Variants in PLSCR4 observed in about 807,000 individuals in gnomAD.
PLSCR4 encodes the protein Ca(2+)-dependent phospholipid scramblase 4.
PLSCR4 carries 25 observed loss-of-function variants against 36.3 expected under a neutral mutation model. The observed-to-expected ratio is 0.69, with a 90% CI of 0.50 to 0.96. The LOEUF is 0.96. PLSCR4 is among the 40% of genes least tolerant of loss of function. The pLI is 0.00. For synonymous variants in PLSCR4, 122 were observed against 132.9 expected (o/e 0.92, Z 0.56); for missense variants, 408 against 414.7 (o/e 0.98, Z 0.14).
chr3:146,205,726 T>C (rs965007904), intron 4 of PLSCR4, among the ~76,000 whole-genome samples: 1 of 152,126 alleles, frequency 6.6e-6, no homozygotes, highest in African/African-American at 2.4e-5. Context: ...AATTTATGAA[T>C]GGTTTATTTC....
chr3:146,204,673 C>G (rs1286793271), intron 4 of PLSCR4, among the ~76,000 whole-genome samples: 1 of 151,782 alleles, frequency 6.6e-6, no homozygotes, highest in African/African-American at 2.4e-5. Flanking sequence ...CTGTCAGAAT[C>G]ATAAAAGAAA....
intron 1 of PLSCR4, 125 bp from the exon 2 acceptor site, chr3:146,222,217 A>C (rs369761576): frequency 2.6e-6 from 1 of 387,942 alleles, no homozygotes; most frequent in African/African-American, 2.1e-5. Context: ...TTGTCCCTTC[A>C]TTAATTAAAA....
intron 3 of PLSCR4, among the ~76,000 whole-genome samples, chr3:146,220,566 T>TTCATATC (rs2035085384): frequency 1.3e-5 from 2 of 152,198 alleles, no homozygotes; most frequent in South Asian, 4.1e-4. Context: ...CAACACTCTC[T>TTCATATC]TCATATCTCC....
intron 1 of PLSCR4, among the ~76,000 whole-genome samples, chr3:146,236,412 A>AT (rs2035919452): frequency 6.6e-6 from 1 of 152,170 alleles, no homozygotes; most frequent in African/African-American, 2.4e-5. Flanking sequence ...TTAAATGCAT[A>AT]TTTTTTTAAA....
Position 146,192,396 on chromosome 3 carries a change from G to A in PLSCR4, c.*2015C>T, listed in dbSNP as rs1000942270. On this transcript the variant is annotated 3_prime_UTR_variant, in exon 9 of 9. Transcript: ENST00000354952. ...ATAAAGAATACGAAAAAGCATGAAC[G>A]CACAAATTCCAGAGAATTTGTTTTT... The A allele has an allele frequency of 3.3e-5, 5 of 150,074 alleles. No homozygotes were observed. The highest frequency in any genetic ancestry group is 5.9e-5 in the Non-Finnish European group (4 of 67,604). 9.3% of individuals were successfully genotyped at this position (150,074 alleles called of 1,614,324 possible). A position where few individuals can be genotyped will look rare whatever the true frequency, so the allele number is the denominator to read the frequency against.
chr3:146,232,988 T>A (rs1297773192), intron 1 of PLSCR4, among the ~76,000 whole-genome samples: 1 of 152,256 alleles, frequency 6.6e-6, no homozygotes, highest in Non-Finnish European at 1.5e-5. Flanking sequence ...TGACTACCTA[T>A]AAATTCTGGA....
At chr3:146,212,782 C>A (rs2034690852) in intron 3 of PLSCR4, among the ~76,000 whole-genome samples, 1 of 152,180 alleles carries the variant, frequency 6.6e-6, no homozygotes, top group Non-Finnish European at 1.5e-5. Context: ...GATACCCTGT[C>A]TCATTCTTGA....
intron 1 of PLSCR4, among the ~76,000 whole-genome samples, chr3:146,223,475 A>G (rs2035270420): frequency 6.8e-6 from 1 of 147,860 alleles, no homozygotes; most frequent in Admixed American, 6.6e-5. Flanking sequence ...TCTAAATCCT[A>G]AGCCTATGTA....
chr3:146,213,179 G>T (rs906760044), intron 3 of PLSCR4, among the ~76,000 whole-genome samples: 2 of 152,060 alleles, frequency 1.3e-5, no homozygotes, highest in South Asian at 4.1e-4. Flanking sequence ...ATGATCTTTA[G>T]TTTTCTTTTC....
At chr3:146,237,057 A>G (rs768809840) in intron 1 of PLSCR4, among the ~76,000 whole-genome samples, 1 of 148,486 alleles carries the variant, frequency 6.7e-6, no homozygotes, top group Non-Finnish European at 1.5e-5. Context: ...AAAGAAAAAA[A>G]AGAGAGAAAA....
At chr3:146,224,960 CAG>C (rs561467416) in intron 1 of PLSCR4, among the ~76,000 whole-genome samples, 118 of 151,720 alleles carry the variant, frequency 7.8e-4, no homozygotes, top group African/African-American at 2.8e-3. Context: ...CAGCTAGATA[CAG>C]AGTGTCGATT....
chr3:146,194,508 C>T, intron 8 of PLSCR4, 53 bp from the exon 9 acceptor site: 1 of 1,073,670 alleles, frequency 9.3e-7, no homozygotes. Flanking sequence ...AGGTATAATG[C>T]ATGCGGTATT....
intron 1 of PLSCR4, among the ~76,000 whole-genome samples, chr3:146,247,392 T>G (rs1174091801): frequency 1.1e-5 from 1 of 92,202 alleles, no homozygotes; most frequent in African/African-American, 2.6e-5. Flanking sequence ...GTCAATCTGA[T>G]ATATAAAAAA....
rs1559914361 is a variant in PLSCR4 at position 146,220,837 on chromosome 3, T to G, written c.96A>C (p.Glu32Asp). Residue 32 changes from glutamate (E) to aspartate (D), a missense_variant, in exon 3 of 9, where the codon GAA becomes GAC. Glu to Asp is a conservative substitution (Grantham distance 45, BLOSUM62 2). Transcript: ENST00000354952. Reference protein sequence around the residue: ...PPDPRPDAPPEYNSHFLPGPP... With the variant: ...PPDPRPDAPPDYNSHFLPGPP... ...CACCTGGTAAAAAATGAGAATTGTA[T>G]TCAGGAGGAGCATCAGGCCTTGGAT... 1.9e-6 allele frequency: 3 copies of G among 1,609,588 alleles called. No individual in the cohort carries two copies. The highest frequency in any genetic ancestry group is 3.3e-5 in the Admixed American group (2 of 59,936).
At chr3:146,250,638 C>T (rs1333364442) in intron 1 of PLSCR4, 1 of 152,314 alleles carries the variant, frequency 6.6e-6, no homozygotes, top group Non-Finnish European at 1.5e-5. Flanking sequence ...CAAGCGAGAC[C>T]TGTCACGCAG....
At chr3:146,195,873 T>C (rs2033709460) in intron 7 of PLSCR4, among the ~76,000 whole-genome samples, 1 of 152,194 alleles carries the variant, frequency 6.6e-6, no homozygotes, top group Admixed American at 6.5e-5. Context: ...TTTTAATAAA[T>C]AAGCAATGCT....
At chr3:146,244,520 T>C (rs1264433974) in intron 1 of PLSCR4, among the ~76,000 whole-genome samples, 3 of 152,092 alleles carry the variant, frequency 2.0e-5, no homozygotes, top group Non-Finnish European at 4.4e-5. Flanking sequence ...TATTTCAGAC[T>C]TTTTCATAAC....
chr3:146,220,912 T>C lies in PLSCR4; in HGVS notation c.21A>G (p.Thr7=). 3.1e-6 allele frequency: 5 copies of C among 1,611,430 alleles called. No individual in the cohort carries two copies. The highest frequency in any genetic ancestry group is 4.2e-6 in the Non-Finnish European group (5 of 1,178,074). ...TTTCACCTGCAGGCTGTTCAGGGGC[T>C]GTGGGTACCACACCTTCAGGGGAAG... MSGVVP[T]APEQPAGEME... The change falls in exon 3 of 9, where the codon ACA becomes ACG. Residue 7 remains threonine, a synonymous_variant. Transcript: ENST00000354952.
chr3:146,208,129 C>G (rs1253324182), intron 3 of PLSCR4, among the ~76,000 whole-genome samples: 1 of 151,948 alleles, frequency 6.6e-6, no homozygotes, highest in African/African-American at 2.4e-5. Context: ...AAAATAAACC[C>G]AAATACAGCC....
Sources: gnomAD v4.1 joint callset for allele counts (sites outside exome capture counted in the v4.1 genomes callset) on GRCh38, gnomAD v4.1.1 for gene constraint, MANE v1.5 for transcripts, NCBI Gene and HGNC (gene_info 2026-07-23, HGNC 2026-07-21) for gene names.